FLT4: variants seen among roughly 807,000 people sequenced by gnomAD.
FLT4 encodes the protein vascular endothelial growth factor receptor 3.
In FLT4, 30 loss-of-function variants were observed where a neutral mutation model predicts 163.2. The observed-to-expected ratio is 0.18, with a 90% CI of 0.14 to 0.25. The LOEUF (loss-of-function observed/expected upper bound fraction) is 0.25. FLT4 is among the 10% of genes least tolerant of loss of function. The pLI is 1.00. For synonymous variants in FLT4, 884 were observed against 789.5 expected (o/e 1.12, Z -2.01); for missense variants, 1,510 against 1,863.8 (o/e 0.81, Z 3.50).
At chr5:180,625,792 G>A in intron 10 of FLT4, 77 bp downstream of exon 10, 1 of 1,356,892 alleles carries the variant, frequency 7.4e-7, no homozygotes, top group South Asian at 1.2e-5. Flanking sequence ...AGTGAGGGGT[G>A]CTGTAAAGGA....
chr5:180,621,493 C>G (rs1163945244), intron 13 of FLT4, 49 bp downstream of exon 13: 1 of 1,598,680 alleles, frequency 6.3e-7, no homozygotes, highest in African/African-American at 1.3e-5. Context: ...GCAGAGGCAG[C>G]TACTGCTAGA....
chr5:180,608,871 C>T, intron 29 of FLT4, 97 bp downstream of exon 29: 1 of 1,081,294 alleles, frequency 9.2e-7, no homozygotes, highest in Middle Eastern at 2.0e-4. Flanking sequence ...ACGAAAGGTT[C>T]CGGGAAGAGG....
At chr5:180,612,355 C>T (rs950681931) in intron 26 of FLT4, 151 bp downstream of exon 26, 11 of 687,414 alleles carry the variant, frequency 1.6e-5, no homozygotes, top group African/African-American at 7.0e-5. Context: ...GGTGTGGGGA[C>T]GAGGTGTGGA....
At chr5:180,641,551 G>A (rs1026462268) in intron 1 of FLT4, among the ~76,000 whole-genome samples, 2 of 152,142 alleles carry the variant, frequency 1.3e-5, no homozygotes, top group African/African-American at 2.4e-5. Context: ...GGGGAGCAAC[G>A]GAGCTGCTGG....
intron 23 of FLT4, among the ~76,000 whole-genome samples, chr5:180,615,437 A>T (rs1474859879): frequency 2.1e-5 from 2 of 94,194 alleles, no homozygotes; most frequent in South Asian, 4.0e-4. Context: ...CTTTCGGAGC[A>T]CTGGGCCCGC....
rs765940101 is a variant in FLT4, at chr5:180,621,827, G to C, written c.1735C>G (p.Gln579Glu). 6.2e-7 allele frequency: 1 copy of C among 1,613,270 alleles called. No homozygotes were observed. The change falls in exon 13 of 30, where the codon CAA (glutamine) becomes GAA (glutamate). Residue 579 changes from glutamine (Q) to glutamate (E), a missense_variant. Transcript: ENST00000261937. ...LEGQPVLLSC[Q>E]ADSYKYEHLR... is the part of the protein sequence containing the mutation. ...TGCTCGTACTTGTAGCTGTCGGCTT[G>C]GCAGCTCAGGAGCACCGGCTGGCCC...
intron 14 of FLT4, 41 bp downstream of exon 14, chr5:180,621,065 G>A (rs746895415): frequency 1.2e-6 from 2 of 1,612,240 alleles, no homozygotes; most frequent in African/African-American, 1.3e-5. Flanking sequence ...TCGGCCTCGC[G>A]GGCCTCCGGA....
intron 1 of FLT4, among the ~76,000 whole-genome samples, chr5:180,637,335 AAAAAAAAAAAAG>A (rs1488332804): frequency 5.8e-4 from 88 of 151,306 alleles, no homozygotes; most frequent in African/African-American, 1.9e-3. Flanking sequence ...CTCAGGAAAA[AAAAAAAAAAAAG>A]AAAAGAAAAA....
At chr5:180,603,763 G>A (rs917416620) in intron 29 of FLT4, among the ~76,000 whole-genome samples, 2 of 152,160 alleles carry the variant, frequency 1.3e-5, no homozygotes, top group African/African-American at 4.8e-5. Context: ...CATTAGCCGG[G>A]CGTGGTGGCG....
At chr5:180,609,117 C>G in intron 28 of FLT4, 64 bp from the exon 29 acceptor site, 1 of 1,408,938 alleles carries the variant, frequency 7.1e-7, no homozygotes, top group Non-Finnish European at 1.0e-6. Context: ...GGCAGCCACC[C>G]CCAGCCAGGA....
chr5:180,640,320 C>T (rs1765009563), intron 1 of FLT4, among the ~76,000 whole-genome samples: 1 of 152,242 alleles, frequency 6.6e-6, no homozygotes, highest in Non-Finnish European at 1.5e-5. Flanking sequence ...GGCCTCACAG[C>T]AGCAGGTGGC....
chr5:180,613,330 C>T (rs771821491), intron 24 of FLT4: 6 of 494,792 alleles, frequency 1.2e-5, no homozygotes, highest in Non-Finnish European at 2.1e-5. Flanking sequence ...TAAAAGAGGA[C>T]TGTGCCGCCT....
intron 12 of FLT4, among the ~76,000 whole-genome samples, chr5:180,622,422 C>T (rs565579651): frequency 2.0e-5 from 3 of 152,142 alleles, no homozygotes; most frequent in East Asian, 1.9e-4. Context: ...AAAATTCACA[C>T]GAGTCACAAG....
chr5:180,623,105 G>A lies in FLT4; in HGVS notation c.1549-266C>T, dbSNP rs1763298154. On this transcript the variant is annotated intron_variant, in intron 11 of 29. Coordinates refer to ENST00000261937, the MANE Select transcript of FLT4 (RefSeq NM_182925.5). The surrounding 1 kb of genome is among the most constrained non-coding windows in gnomAD (Gnocchi z 5.8). Reference sequence around the variant, plus strand: ...GCCTAGGCTGCAGTGACGTCAGAGGGCAGCCTTTGGCAGGACCAGAGAGAC... The same window carrying A: ...GCCTAGGCTGCAGTGACGTCAGAGGACAGCCTTTGGCAGGACCAGAGAGAC... Among the ~76,000 whole-genome samples the A allele has an allele frequency of 6.6e-6, 1 of 152,176 alleles. No individual in the cohort carries two copies. Among genetic ancestry groups the A allele is most frequent in the Non-Finnish European group, 1.5e-5 (1 of 68,028 alleles).
rs1474150264 is a variant in FLT4 at position 180,620,065 on chromosome 5, C to A, written c.2542+108G>T. On this transcript the variant is annotated intron_variant, in intron 17 of 29. Transcript: ENST00000261937. The surrounding 1 kb of genome is among the most constrained non-coding windows in gnomAD (Gnocchi z 4.4). The stretch of plus-strand genomic sequence containing the variant: ...GCCCACAGGGACAGGTCAGGCCAGG[C>A]GGAACTTCCTGGTGCAAGTTTTGAA... 2.1e-6 allele frequency: 3 copies of A among 1,401,604 alleles called. No individual in the cohort carries two copies. Among genetic ancestry groups the A allele is most frequent in the Non-Finnish European group, 2.0e-6 (2 of 1,024,032 alleles). The allele number at this position is 1,401,604 out of a possible 1,614,324, so 86.8% of individuals were successfully genotyped here.
intron 24 of FLT4, chr5:180,613,809 T>G: frequency 1.9e-6 from 1 of 528,694 alleles, no homozygotes; most frequent in Admixed American, 3.0e-5. Context: ...GGGGCTGCCA[T>G]GTGAAAAGGC....
chr5:180,638,544 C>A (rs1335058024), intron 1 of FLT4, among the ~76,000 whole-genome samples: 3 of 152,216 alleles, frequency 2.0e-5, no homozygotes, highest in Non-Finnish European at 4.4e-5. Flanking sequence ...AAAGCACAGG[C>A]CTGATCACAC....
rs67904463 is a variant in FLT4 at position 180,622,923 on chromosome 5, GCAC to G, written c.1549-87_1549-85del. ...TGTCTTTCTGCAAGGAGGTCGCTGT[GCAC>G]CACCCCCCCCAATCATGGGGGAAAC... On this transcript the variant is annotated intron_variant, in intron 11 of 29. Transcript: ENST00000261937. 73,008 of 774,672 alleles carry G rather than the reference GCAC, an allele frequency of 0.094. 5,119 individuals are homozygous for G. Among genetic ancestry groups the G allele is most frequent in the African/African-American group, 0.2 (11,824 of 58,362 alleles). 48.0% of individuals were successfully genotyped at this position (774,672 alleles called of 1,614,324 possible).
At chr5:180,613,888 G>A (rs1026350493) in intron 24 of FLT4, 180 bp downstream of exon 24, 11 of 675,538 alleles carry the variant, frequency 1.6e-5, no homozygotes, top group African/African-American at 1.2e-4. Context: ...AAGTCCTCTC[G>A]GAGGCTGGGC....
Sources: allele counts gnomAD v4.1 joint callset (sites outside exome capture counted in the v4.1 genomes callset), GRCh38; gene constraint gnomAD v4.1.1; non-coding constraint Gnocchi (gnomAD v3.1); transcripts MANE v1.5; gene names NCBI Gene and HGNC (gene_info 2026-07-23, HGNC 2026-07-21).